PFDN1: variants seen among roughly 807,000 people sequenced by gnomAD.
PFDN1 encodes the protein prefoldin subunit 1, also known as prefoldin 1.
A neutral mutation model predicts 17.3 loss-of-function variants in PFDN1; 6 were observed. The ratio of observed to expected loss-of-function variants is 0.35; its 90% CI spans 0.19 to 0.69. PFDN1 has a LOEUF of 0.69. Among genes scored for constraint, PFDN1 ranks in the 30% least tolerant of loss-of-function variants. The pLI, the probability that PFDN1 is intolerant of heterozygous loss-of-function variation, is 0.65. For synonymous variants in PFDN1, 58 were observed against 50.1 expected, an observed-to-expected ratio of 1.16 and a Z score of -0.67; for missense variants, 113 against 146.2, an observed-to-expected ratio of 0.77 and a Z score of 1.17.
At position 140,245,462 on chromosome 5, in the gene PFDN1, C is replaced by T. The variant is rs905992306; in HGVS notation, c.*512G>A. 1.0e-5 allele frequency: 7 copies of T among 702,444 alleles called. No homozygotes were observed. The highest frequency in any genetic ancestry group is 5.2e-5 in the African/African-American group (3 of 57,240). The allele number at this position is 702,444 out of a possible 1,614,324, so 43.5% of individuals were successfully genotyped here. A position where few individuals can be genotyped will look rare whatever the true frequency, so the allele number is the denominator to read the frequency against. ...CTCTTCTGTCTACTGCATGCAGGCC[C>T]GGAAGCTGAGCGTTAGTCAAAGGTA... On this transcript the variant is annotated 3_prime_UTR_variant, in exon 4 of 4. Transcript: ENST00000261813.
chr5:140,273,940 G>A, intron 3 of PFDN1: 2 of 976,772 alleles, frequency 2.0e-6, no homozygotes, highest in Non-Finnish European at 2.4e-6. Flanking sequence ...CCTCCACCTG[G>A]AACAAAAAAA....
intron 3 of PFDN1, among the ~76,000 whole-genome samples, chr5:140,246,920 A>G (rs372761919): frequency 1.4e-4 from 22 of 152,296 alleles, no homozygotes; most frequent in Non-Finnish European, 3.2e-4. Context: ...TCCTGAGGGA[A>G]TACTCAAAAT....
In PFDN1 at chr5:140,245,764, T is replaced by G. The variant is rs1028837136; in HGVS notation, c.*210A>C. 20 of 609,780 alleles carry G rather than the reference T, an allele frequency of 3.3e-5. No homozygotes were observed. Among genetic ancestry groups the G allele is most frequent in the Non-Finnish European group, 5.3e-5 (18 of 342,560 alleles). 37.8% of individuals were successfully genotyped at this position (609,780 alleles called of 1,614,324 possible). A position where few individuals can be genotyped will look rare whatever the true frequency, so the allele number is the denominator to read the frequency against. ...CATCACACATCCCGAGAGGGAAGAG[T>G]GTCCTGGGCAGAGGTGGCAGGCAAA... is the stretch of plus-strand genomic sequence containing the variant. On this transcript the variant is annotated 3_prime_UTR_variant, in exon 4 of 4. Coordinates refer to ENST00000261813, the MANE Select transcript of PFDN1 (RefSeq NM_002622.5).
At chr5:140,296,007 A>G (rs1172232738) in intron 2 of PFDN1, among the ~76,000 whole-genome samples, 1 of 152,148 alleles carries the variant, frequency 6.6e-6, no homozygotes, top group Non-Finnish European at 1.5e-5. Flanking sequence ...CTATATTTTT[A>G]GTTCTGAGTG....
chr5:140,252,064 C>T (rs1399623413), intron 3 of PFDN1, among the ~76,000 whole-genome samples: 4 of 150,764 alleles, frequency 2.7e-5, no homozygotes, highest in African/African-American at 9.8e-5. Flanking sequence ...CCTCTCTGTC[C>T]CTCTATTTTC....
intron 3 of PFDN1, among the ~76,000 whole-genome samples, chr5:140,262,326 G>A (rs535402780): frequency 2.0e-5 from 3 of 152,290 alleles, no homozygotes; most frequent in South Asian, 2.1e-4. Flanking sequence ...AAAAGTGAAT[G>A]GTAAAGGGTT....
At chr5:140,302,050 C>T (rs1354012383) in intron 1 of PFDN1, among the ~76,000 whole-genome samples, 2 of 152,206 alleles carry the variant, frequency 1.3e-5, no homozygotes, top group African/African-American at 4.8e-5. Flanking sequence ...TTAGAAGCAA[C>T]AGCTATTTCG....
At chr5:140,284,936 A>T (rs1397177347) in intron 2 of PFDN1, among the ~76,000 whole-genome samples, 1 of 152,308 alleles carries the variant, frequency 6.6e-6, no homozygotes, top group East Asian at 1.9e-4. Flanking sequence ...TATTTGAGAA[A>T]CATCAGACTC....
chr5:140,278,576 AAAAAAAAAAAAC>A (rs1765339110), intron 3 of PFDN1, among the ~76,000 whole-genome samples: 1 of 150,338 alleles, frequency 6.7e-6, no homozygotes. Flanking sequence ...AAAAAAAAAA[AAAAAAAAAAAAC>A]AAAAAACAAA....
In PFDN1 at chr5:140,275,408, C is replaced by CAA. The variant is rs34009092; in HGVS notation, c.285+6039_285+6040dup. On this transcript the variant is annotated intron_variant, in intron 3 of 3. Coordinates refer to ENST00000261813, the MANE Select transcript of PFDN1 (RefSeq NM_002622.5). ...TGGGAGACAGAACGAGACTCTGTCT[C>CAA]AAAAAAAAAAAAAAAAGACAGTGCT... is the stretch of plus-strand genomic sequence containing the variant. 1.7e-3 allele frequency among the ~76,000 whole-genome samples: 185 copies of CAA among 106,718 alleles called. 1 individual carries two copies. The highest frequency in any genetic ancestry group is 3.2e-3 in the South Asian group (11 of 3,480). The allele number at this position is 106,718 out of a possible 152,430, so 70.0% of individuals were successfully genotyped here. A position where few individuals can be genotyped will look rare whatever the true frequency, so the allele number is the denominator to read the frequency against.
intron 3 of PFDN1, among the ~76,000 whole-genome samples, chr5:140,246,913 T>C (rs1430748307): frequency 5.3e-5 from 8 of 152,212 alleles, no homozygotes; most frequent in Non-Finnish European, 8.8e-5. Flanking sequence ...ATTCATGTCC[T>C]GAGGGAATAC....
At chr5:140,250,633 T>A (rs948496087) in intron 3 of PFDN1, among the ~76,000 whole-genome samples, 7 of 152,232 alleles carry the variant, frequency 4.6e-5, no homozygotes, top group African/African-American at 1.7e-4. Context: ...GGCTGGCACA[T>A]AATAGGAATT....
rs145922969 is a variant in PFDN1 at position 140,266,491 on chromosome 5, C to T, written c.285+14958G>A. 9.2e-3 allele frequency among the ~76,000 whole-genome samples: 1,405 copies of T among 152,356 alleles called. 15 individuals are homozygous for T. The highest frequency in any genetic ancestry group is 0.018 in the South Asian group (86 of 4,830). On this transcript the variant is annotated intron_variant, in intron 3 of 3. Transcript: ENST00000261813. ...AAGATATTTGCATGGCACCTCCCCA[C>T]AACAAACCCCCAGGATCTCTAATAA...
intron 2 of PFDN1, among the ~76,000 whole-genome samples, chr5:140,284,460 G>C (rs1325274871): frequency 6.6e-6 from 1 of 152,110 alleles, no homozygotes; most frequent in Non-Finnish European, 1.5e-5. Context: ...AAAAGTCTTT[G>C]GAAAACATCT....
chr5:140,297,041 G>A (rs1765664852), intron 2 of PFDN1, among the ~76,000 whole-genome samples: 2 of 152,178 alleles, frequency 1.3e-5, no homozygotes, highest in South Asian at 4.1e-4. Flanking sequence ...GTGAAGAATG[G>A]ATTTGGACAG....
At chr5:140,301,032 C>T (rs146624986) in intron 1 of PFDN1, among the ~76,000 whole-genome samples, 277 of 152,236 alleles carry the variant, frequency 1.8e-3, no homozygotes, top group African/African-American at 6.3e-3. Flanking sequence ...TAATAAATAT[C>T]TCATTTATGC....
At chr5:140,265,145 T>C (rs1765118037) in intron 3 of PFDN1, among the ~76,000 whole-genome samples, 1 of 152,102 alleles carries the variant, frequency 6.6e-6, no homozygotes, top group Non-Finnish European at 1.5e-5. Flanking sequence ...TACAGAGCAC[T>C]TGCGACTCAG....
chr5:140,286,587 A>AT (rs1182955075), intron 2 of PFDN1, among the ~76,000 whole-genome samples: 1 of 39,922 alleles, frequency 2.5e-5, no homozygotes, highest in Non-Finnish European at 5.0e-5. Flanking sequence ...TGAATCCTCA[A>AT]TTTTTTTTGC....
chr5:140,301,175 T>C (rs1765738941), intron 1 of PFDN1, among the ~76,000 whole-genome samples: 1 of 152,176 alleles, frequency 6.6e-6, no homozygotes, highest in African/African-American at 2.4e-5. Context: ...GCAGGTGTTA[T>C]TTAAATCCAT....
Sources: allele counts gnomAD v4.1 joint callset (sites outside exome capture counted in the v4.1 genomes callset), GRCh38; gene constraint gnomAD v4.1.1; transcripts MANE v1.5; gene names NCBI Gene and HGNC (gene_info 2026-07-23, HGNC 2026-07-21).